ACVR1: variants seen among roughly 807,000 people sequenced by gnomAD.
The protein encoded by ACVR1 is activin A receptor type 1, also known as activin receptor type-1.
ACVR1 carries 38 observed loss-of-function variants against 57.1 expected under a neutral mutation model. That is an observed-to-expected ratio of 0.67 (90% CI 0.51 to 0.87). The LOEUF (loss-of-function observed/expected upper bound fraction) is 0.87. Among genes scored for constraint, ACVR1 ranks in the 40% least tolerant of loss-of-function variants. The pLI is 0.00. For missense variants in ACVR1, 463 were observed against 638.2 expected, an observed-to-expected ratio of 0.73 and a Z score of 2.96; for synonymous variants, 212 against 228.1, an observed-to-expected ratio of 0.93 and a Z score of 0.63.
At chr2:157,785,579 T>TATAC (rs1686684865) in intron 3 of ACVR1, among the ~76,000 whole-genome samples, 1 of 152,194 alleles carries the variant, frequency 6.6e-6, no homozygotes, top group Non-Finnish European at 1.5e-5. Context: ...GAGGACAGGC[T>TATAC]ATACATTCAG....
chr2:157,805,810 TTTC>T (rs1352188380), intron 2 of ACVR1, among the ~76,000 whole-genome samples: 2 of 100,642 alleles, frequency 2.0e-5, no homozygotes, highest in Admixed American at 1.1e-4. Flanking sequence ...GGGTTTTTTT[TTTC>T]TTTTTTCTTT....
chr2:157,861,624 T>C (rs187473506), intron 1 of ACVR1, among the ~76,000 whole-genome samples: 2 of 152,328 alleles, frequency 1.3e-5, no homozygotes, highest in East Asian at 1.9e-4. Context: ...TGAACCACCA[T>C]TTCACCTCTA....
At chr2:157,782,616 T>C (rs185558271) in intron 3 of ACVR1, among the ~76,000 whole-genome samples, 1 of 152,294 alleles carries the variant, frequency 6.6e-6, no homozygotes, top group East Asian at 1.9e-4. Context: ...CTAGACATGC[T>C]TGCCACTCTT....
Position 157,765,915 on chromosome 2 carries a change from A to G in ACVR1, c.1066+6T>C. 1 of 1,613,932 alleles carries G rather than the reference A, an allele frequency of 6.2e-7. No homozygotes were observed. Among genetic ancestry groups the G allele is most frequent in the Non-Finnish European group, 8.5e-7 (1 of 1,179,974 alleles). ...GGTGAGGAAAAAAATATTTTTAGAA[A>G]TTTACCCAAATCTGCTATGCAACAC... On this transcript the variant is annotated splice_donor_region_variant and intron_variant, in intron 8 of 10. Coordinates refer to ENST00000434821, the MANE Select transcript of ACVR1 (RefSeq NM_001111067.4).
chr2:157,779,107 C>G (rs570933106), intron 4 of ACVR1, among the ~76,000 whole-genome samples: 1 of 152,208 alleles, frequency 6.6e-6, no homozygotes, highest in Admixed American at 6.5e-5. Flanking sequence ...CAAAATGCAA[C>G]GCTGAATTAT....
chr2:157,802,514 C>G (rs1687360893), intron 2 of ACVR1, among the ~76,000 whole-genome samples: 1 of 152,048 alleles, frequency 6.6e-6, no homozygotes, highest in Non-Finnish European at 1.5e-5. Context: ...TCCTCAGTCC[C>G]CACTACCCAT....
intron 1 of ACVR1, among the ~76,000 whole-genome samples, chr2:157,840,328 A>G (rs771441743): frequency 2.6e-5 from 4 of 152,196 alleles, no homozygotes; most frequent in African/African-American, 7.2e-5. Context: ...GGAGTTTTCC[A>G]TCACCTGCAA....
intron 1 of ACVR1, among the ~76,000 whole-genome samples, chr2:157,831,597 C>T (rs528713647): frequency 3.3e-5 from 5 of 151,996 alleles, no homozygotes; most frequent in African/African-American, 1.2e-4. Context: ...TTTAGTTTAC[C>T]AAAATTGGGA....
intron 2 of ACVR1, among the ~76,000 whole-genome samples, chr2:157,816,475 T>C (rs1687940419): frequency 1.3e-5 from 2 of 150,574 alleles, no homozygotes; most frequent in South Asian, 4.2e-4. Context: ...TGTACATCTA[T>C]AGTCCTAGTT....
chr2:157,756,629 T>C (rs530303150), intron 9 of ACVR1, among the ~76,000 whole-genome samples: 1 of 152,070 alleles, frequency 6.6e-6, no homozygotes, highest in South Asian at 2.1e-4. Context: ...TGCGCAAGAA[T>C]GGCCATAATC....
intron 1 of ACVR1, among the ~76,000 whole-genome samples, chr2:157,838,052 C>A (rs957985296): frequency 6.6e-6 from 1 of 152,062 alleles, no homozygotes; most frequent in Non-Finnish European, 1.5e-5. Flanking sequence ...ACAGAACCAG[C>A]CAGTCTGACT....
chr2:157,874,136 C>T (rs1224885219), intron 1 of ACVR1, among the ~76,000 whole-genome samples: 1 of 152,202 alleles, frequency 6.6e-6, no homozygotes, highest in African/African-American at 2.4e-5. Context: ...TCTTTGTCAC[C>T]TATCCAGAAT....
At chr2:157,793,232 T>G (rs1187907383) in intron 3 of ACVR1, among the ~76,000 whole-genome samples, 33 of 152,140 alleles carry the variant, frequency 2.2e-4, no homozygotes, top group Admixed American at 2.2e-3. Flanking sequence ...AGGAAATCAT[T>G]TCATGAGCTT....
intron 9 of ACVR1, among the ~76,000 whole-genome samples, chr2:157,743,903 T>A (rs1284483093): frequency 6.6e-6 from 1 of 152,136 alleles, no homozygotes; most frequent in Non-Finnish European, 1.5e-5. Context: ...AAAGAGGAAC[T>A]GATGGGAAGT....
chr2:157,752,143 A>AC (rs983724602), intron 9 of ACVR1, among the ~76,000 whole-genome samples: 3 of 151,924 alleles, frequency 2.0e-5, no homozygotes, highest in African/African-American at 4.8e-5. Flanking sequence ...CTGTGCAGAC[A>AC]CCCCCCAATA....
intron 1 of ACVR1, among the ~76,000 whole-genome samples, chr2:157,867,114 C>T (rs1371367501): frequency 6.6e-6 from 1 of 152,192 alleles, no homozygotes; most frequent in Non-Finnish European, 1.5e-5. Context: ...AACCCAGGTG[C>T]TCTTGGCAAC....
At chr2:157,864,425 G>A (rs1209819475) in intron 1 of ACVR1, among the ~76,000 whole-genome samples, 3 of 151,704 alleles carry the variant, frequency 2.0e-5, no homozygotes, top group Admixed American at 2.0e-4. Context: ...TGTTGCCCAG[G>A]TTAACCTCAA....
At chr2:157,750,230 C>T (rs531083727) in intron 9 of ACVR1, among the ~76,000 whole-genome samples, 1 of 152,346 alleles carries the variant, frequency 6.6e-6, no homozygotes, top group South Asian at 2.1e-4. Context: ...CACAAGCCAC[C>T]CAGAAGCCTG....
intron 1 of ACVR1, among the ~76,000 whole-genome samples, chr2:157,873,538 C>G (rs935047608): frequency 1.3e-5 from 2 of 152,224 alleles, no homozygotes; most frequent in African/African-American, 2.4e-5. Context: ...GATCCAAGAG[C>G]AGAACAAGCC....
Sources: gnomAD v4.1 joint callset for allele counts (sites outside exome capture counted in the v4.1 genomes callset) on GRCh38, gnomAD v4.1.1 for gene constraint, MANE v1.5 for transcripts, NCBI Gene and HGNC (gene_info 2026-07-23, HGNC 2026-07-21) for gene names.